OXCT1: variants seen among roughly 807,000 people sequenced by gnomAD.
OXCT1 encodes the protein 3-oxoacid CoA-transferase 1, also known as succinyl-CoA:3-ketoacid coenzyme A transferase 1, mitochondrial.
OXCT1 carries 27 observed loss-of-function variants against 69.6 expected under a neutral mutation model. The ratio of observed to expected loss-of-function variants is 0.39; its 90% CI spans 0.29 to 0.54. The LOEUF (loss-of-function observed/expected upper bound fraction) is 0.54. OXCT1 is among the 20% of genes least tolerant of loss of function. The probability of loss-of-function intolerance (pLI) is 0.72; values close to 1 mark genes in which losing one functional copy is unlikely to be tolerated. For missense variants in OXCT1, 437 were observed against 650.2 expected (o/e 0.67, Z 3.57); for synonymous variants, 202 against 217.8 (o/e 0.93, Z 0.64).
At chr5:41,816,084 C>G (rs1185432394) in intron 7 of OXCT1, among the ~76,000 whole-genome samples, 2 of 152,146 alleles carry the variant, frequency 1.3e-5, no homozygotes, top group Non-Finnish European at 2.9e-5. Flanking sequence ...GATTTGAATT[C>G]AGCATGAGGA....
intron 15 of OXCT1, among the ~76,000 whole-genome samples, chr5:41,744,958 T>C (rs1419415644): frequency 6.6e-6 from 1 of 152,044 alleles, no homozygotes; most frequent in African/African-American, 2.4e-5. Flanking sequence ...ACAATAATAA[T>C]GGGACATTCC....
chr5:41,850,350 A>C (rs1749122260), intron 4 of OXCT1, among the ~76,000 whole-genome samples, 171 bp from the exon 5 acceptor site: 1 of 152,162 alleles, frequency 6.6e-6, no homozygotes. Flanking sequence ...CAATTTTAAG[A>C]AGTTACTGCC....
intron 10 of OXCT1, 74 bp downstream of exon 10, chr5:41,802,995 A>G (rs1746494119): frequency 5.5e-6 from 6 of 1,098,674 alleles, no homozygotes; most frequent in Admixed American, 1.8e-5. Flanking sequence ...AAAAAATTTA[A>G]TAAAAAATTT....
intron 4 of OXCT1, among the ~76,000 whole-genome samples, chr5:41,851,061 G>A (rs1178671279): frequency 6.6e-6 from 1 of 152,174 alleles, no homozygotes; most frequent in African/African-American, 2.4e-5. Context: ...CCAGTGCTTT[G>A]GGAGGTGAAG....
intron 7 of OXCT1, among the ~76,000 whole-genome samples, chr5:41,840,060 C>G (rs1432715536): frequency 6.6e-6 from 1 of 152,164 alleles, no homozygotes; most frequent in African/African-American, 2.4e-5. Flanking sequence ...AATGCTCTTC[C>G]CTTAAAGAAA....
intron 7 of OXCT1, 141 bp from the exon 8 acceptor site, chr5:41,807,579 A>G: frequency 3.1e-6 from 2 of 643,756 alleles, no homozygotes; most frequent in Non-Finnish European, 5.6e-6. Flanking sequence ...ATGTATGTAT[A>G]TGTATACATA....
chr5:41,860,230 G>GT (rs1749672770), intron 3 of OXCT1, among the ~76,000 whole-genome samples: 1 of 151,902 alleles, frequency 6.6e-6, no homozygotes, highest in South Asian at 2.1e-4. Context: ...CCAACACACA[G>GT]TAACTCTGAG....
chr5:41,804,841 T>A (rs1260723959), intron 9 of OXCT1, among the ~76,000 whole-genome samples: 2 of 152,122 alleles, frequency 1.3e-5, no homozygotes, highest in South Asian at 2.1e-4. Flanking sequence ...CTGTCCTAGG[T>A]CTTTTAAGTA....
intron 8 of OXCT1, among the ~76,000 whole-genome samples, chr5:41,806,295 G>A (rs1222325595): frequency 6.6e-6 from 1 of 152,014 alleles, no homozygotes; most frequent in African/African-American, 2.4e-5. Flanking sequence ...CTTCCTGTTT[G>A]ATATCTACAA....
chr5:41,761,148 G>A (rs1162892948), intron 14 of OXCT1, among the ~76,000 whole-genome samples: 1 of 152,078 alleles, frequency 6.6e-6, no homozygotes, highest in Non-Finnish European at 1.5e-5. Context: ...ATCAGTAGAA[G>A]CCAATGGGTT....
chr5:41,807,443 A>G lies in OXCT1; in HGVS notation c.733-5T>C. On this transcript the variant is annotated splice_polypyrimidine_tract_variant and splice_region_variant and intron_variant, in intron 7 of 16. Transcript: ENST00000196371. ...AATATCCACAATTTCTTCAACCTAG[A>G]CAAAGAGAAATTTCTTTCAAAGTTA... 2 of 1,527,810 alleles carry G rather than the reference A, an allele frequency of 1.3e-6. No homozygotes were observed. The highest frequency in any genetic ancestry group is 1.8e-6 in the Non-Finnish European group (2 of 1,102,744). The allele number at this position is 1,527,810 out of a possible 1,614,324, so 94.6% of individuals were successfully genotyped here.
intron 7 of OXCT1, among the ~76,000 whole-genome samples, chr5:41,821,070 T>C (rs1747523687): frequency 6.6e-6 from 1 of 152,192 alleles, no homozygotes; most frequent in Non-Finnish European, 1.5e-5. Flanking sequence ...TTAACATTTG[T>C]ATACCTAATA....
At chr5:41,758,677 T>C (rs1309088571) in intron 14 of OXCT1, among the ~76,000 whole-genome samples, 1 of 152,118 alleles carries the variant, frequency 6.6e-6, no homozygotes. Context: ...AATCTATCTA[T>C]GGATACAAGT....
In OXCT1 at chr5:41,794,271, T is replaced by C. The variant is rs1579750441; in HGVS notation, c.1173-193A>G. 9.5e-6 allele frequency: 6 copies of C among 631,346 alleles called. No individual in the cohort carries two copies. The East Asian group carries it at 1.6e-4, about 17-fold the overall frequency. The allele number at this position is 631,346 out of a possible 1,614,324, so 39.1% of individuals were successfully genotyped here. A position where few individuals can be genotyped will look rare whatever the true frequency, so the allele number is the denominator to read the frequency against. On this transcript the variant is annotated intron_variant, in intron 12 of 16. Transcript: ENST00000196371. ...TAAAAATTCTTTTTGAAAAAAAAGTTACAGTATACATTGTTTCAATAACAA... is the reference window on the plus strand; with the variant it reads ...TAAAAATTCTTTTTGAAAAAAAAGTCACAGTATACATTGTTTCAATAACAA...
At chr5:41,793,397 C>T (rs1746022512) in intron 13 of OXCT1, among the ~76,000 whole-genome samples, 1 of 152,226 alleles carries the variant, frequency 6.6e-6, no homozygotes, top group Non-Finnish European at 1.5e-5. Context: ...TGAATTAAGT[C>T]AGTGATAACA....
In OXCT1 at chr5:41,870,229, G is replaced by A. The variant is rs7728678; in HGVS notation, c.78+52C>T. 8 of 1,422,330 alleles carry A rather than the reference G, an allele frequency of 5.6e-6. No homozygotes were observed. Among genetic ancestry groups the A allele is most frequent in the Non-Finnish European group, 8.0e-6 (8 of 1,006,072 alleles). The allele number at this position is 1,422,330 out of a possible 1,614,324, so 88.1% of individuals were successfully genotyped here. The stretch of plus-strand genomic sequence containing the variant: ...GAAGAAAACGCGGGCACCACTCAGG[G>A]TTTGGTCCACGTTCTTCCTGCCCAT... On this transcript the variant is annotated intron_variant, in intron 1 of 16. Coordinates refer to ENST00000196371, the MANE Select transcript of OXCT1 (RefSeq NM_000436.4). The surrounding 1 kb of genome is among the most constrained non-coding windows in gnomAD (Gnocchi z 4.2).
Position 41,731,481 on chromosome 5 carries a change from A to G in OXCT1, c.*248T>C, listed in dbSNP as rs1742619756. 1 of 880,828 alleles carries G rather than the reference A, an allele frequency of 1.1e-6. No homozygotes were observed. Among genetic ancestry groups the G allele is most frequent in the East Asian group, 3.4e-5 (1 of 29,220 alleles). 54.6% of individuals were successfully genotyped at this position (880,828 alleles called of 1,614,324 possible). On this transcript the variant is annotated 3_prime_UTR_variant, in exon 17 of 17. Coordinates refer to ENST00000196371, the MANE Select transcript of OXCT1 (RefSeq NM_000436.4). ...ATTCAGTGAAAATGCATTCAATATA[A>G]TTACCTATTATAAAAACAACCTTCT...
intron 14 of OXCT1, among the ~76,000 whole-genome samples, chr5:41,752,611 G>A (rs1302571062): frequency 6.6e-6 from 1 of 152,070 alleles, no homozygotes; most frequent in Non-Finnish European, 1.5e-5. Flanking sequence ...AAGTTAGCCA[G>A]TTGTGTCTGT....
At chr5:41,788,950 A>AAC (rs1217991699) in intron 13 of OXCT1, among the ~76,000 whole-genome samples, 1 of 152,238 alleles carries the variant, frequency 6.6e-6, no homozygotes, top group Non-Finnish European at 1.5e-5. Context: ...ATTAAACTGA[A>AAC]AAATTTTTAA....
Sources: allele counts gnomAD v4.1 joint callset (sites outside exome capture counted in the v4.1 genomes callset), GRCh38; gene constraint gnomAD v4.1.1; non-coding constraint Gnocchi (gnomAD v3.1); transcripts MANE v1.5; gene names NCBI Gene and HGNC (gene_info 2026-07-23, HGNC 2026-07-21).